The following C11orf65 variants were observed in gnomAD, a reference collection of about 807,000 sequenced individuals.
The protein encoded by C11orf65 is chromosome 11 open reading frame 65.
Under a neutral mutation model 35.3 loss-of-function variants are expected in C11orf65, and 38 were observed. The ratio of observed to expected loss-of-function variants is 1.08; its 90% confidence interval spans 0.83 to 1.41. The LOEUF is 1.41. C11orf65 is among the 40% of genes most tolerant of loss of function. The pLI, the probability that C11orf65 is intolerant of heterozygous loss-of-function variation, is 0.00. For missense variants in C11orf65, 370 were observed against 367.1 expected (o/e 1.01, Z -0.06); for synonymous variants, 105 against 114.4 (o/e 0.92, Z 0.53).
intron 2 of C11orf65, among the ~76,000 whole-genome samples, chr11:108,346,247 G>A (rs1439595658): frequency 6.6e-6 from 1 of 151,854 alleles, no homozygotes; most frequent in Non-Finnish European, 1.5e-5. Context: ...TGAAACCTGT[G>A]ATAACTTATT....
chr11:108,469,478 T>C (rs533604407), upstream of C11orf65, among the ~76,000 whole-genome samples: 515 of 151,498 alleles, frequency 3.4e-3, 3 homozygotes, highest in Non-Finnish European at 5.6e-3. Context: ...CAAAAGTAAT[T>C]GCGGTTTTTG....
chr11:108,389,987 C>T (rs1210564815), intron 7 of C11orf65, among the ~76,000 whole-genome samples: 4 of 121,542 alleles, frequency 3.3e-5, no homozygotes, highest in Non-Finnish European at 7.2e-5. Flanking sequence ...AGCCACCTCG[C>T]CTGGCTGGTT....
intron 2 of C11orf65, among the ~76,000 whole-genome samples, chr11:108,371,040 T>C (rs1019727750): frequency 2.6e-5 from 4 of 152,172 alleles, no homozygotes; most frequent in South Asian, 2.1e-4. Flanking sequence ...CATAGACACA[T>C]TGCTGATTTG....
chr11:108,458,243 G>A lies in C11orf65; in HGVS notation c.81+3236C>T, dbSNP rs373600932. Among the ~76,000 whole-genome samples the A allele has an allele frequency of 8.7e-5, 13 of 150,022 alleles. No individual in the cohort carries two copies. In the East Asian group the frequency reaches 2.0e-3, roughly 23 times the overall value. On this transcript the variant is annotated intron_variant, in intron 2 of 8. Coordinates refer to ENST00000393084, the MANE Select transcript of C11orf65 (RefSeq NM_152587.5). ...AAGTGAACCTTGGGTGTGGTGGCAC[G>A]TGCCGGTATCCCACCTACTCGGGAG...
At chr11:108,461,399 T>TA (rs956951448) in intron 2 of C11orf65, 80 bp downstream of exon 2, 50,371 of 875,902 alleles carry the variant, frequency 0.058, 1 homozygote, top group South Asian at 0.064. Flanking sequence ...GATTCTGTCT[T>TA]AAAAAAAAAA....
intron 2 of C11orf65, among the ~76,000 whole-genome samples, chr11:108,444,780 G>A (rs567740923): frequency 9.9e-5 from 15 of 152,234 alleles, no homozygotes; most frequent in Admixed American, 4.6e-4. Context: ...ACAGCGCACC[G>A]TGCACGAGCT....
chr11:108,392,712 T>C (rs1178995375), intron 7 of C11orf65, among the ~76,000 whole-genome samples: 2 of 152,322 alleles, frequency 1.3e-5, no homozygotes, highest in East Asian at 3.9e-4. Context: ...CTAGTAGGTG[T>C]GAAGTGGTAT....
At chr11:108,400,711 C>T (rs758984523) in intron 6 of C11orf65, among the ~76,000 whole-genome samples, 18 of 152,266 alleles carry the variant, frequency 1.2e-4, no homozygotes, top group African/African-American at 3.6e-4. Context: ...CTTCAAAGTT[C>T]CATTAGTCCC....
chr11:108,381,592 C>T (rs1381587707), downstream of C11orf65, among the ~76,000 whole-genome samples: 1 of 152,196 alleles, frequency 6.6e-6, no homozygotes, highest in African/African-American at 2.4e-5. Flanking sequence ...TTCCCTGTGT[C>T]ACTTTCTCTA....
In C11orf65 at chr11:108,409,568, G is replaced by A. The variant is rs2092618247; in HGVS notation, c.175-2419C>T. ...GATGCTCTTGTCGTGATGCTGGGCA[G>A]TGGCAGCAAGCCACAGCTTCCAGTC... On this transcript the variant is annotated intron_variant, in intron 3 of 8. Transcript: ENST00000393084. 2.0e-5 allele frequency among the ~76,000 whole-genome samples: 3 copies of A among 152,148 alleles called. No individual in the cohort carries two copies. The South Asian group carries it at 6.2e-4, about 32-fold the overall frequency.
At chr11:108,427,721 CAAAAA>C (rs1176005299) in intron 3 of C11orf65, among the ~76,000 whole-genome samples, 43 of 40,742 alleles carry the variant, frequency 1.1e-3, no homozygotes, top group African/African-American at 3.8e-3. Flanking sequence ...AACTCCGCCT[CAAAAA>C]AAAAAAAAAA....
intron 2 of C11orf65, chr11:108,368,163 C>T (rs2091428529): frequency 4.8e-6 from 1 of 207,078 alleles, no homozygotes. Context: ...AGATCACAAG[C>T]CTAGGAGAAA....
chr11:108,363,752 A>AT (rs768990123), intron 2 of C11orf65, among the ~76,000 whole-genome samples: 1 of 152,090 alleles, frequency 6.6e-6, no homozygotes, highest in Admixed American at 6.5e-5. Flanking sequence ...CTGAAACATA[A>AT]TTTTTTACTT....
chr11:108,448,219 G>A (rs1401968377), intron 2 of C11orf65, among the ~76,000 whole-genome samples: 4 of 152,168 alleles, frequency 2.6e-5, no homozygotes, highest in Non-Finnish European at 5.9e-5. Context: ...GGAGGAACTG[G>A]TACCATTCCT....
At chr11:108,447,103 C>A (rs141927900) in intron 2 of C11orf65, among the ~76,000 whole-genome samples, 16,243 of 152,056 alleles carry the variant, frequency 0.11, 1,217 homozygotes, top group Non-Finnish European at 0.15. Flanking sequence ...TATATATGCA[C>A]CCAATACAGG....
intron 2 of C11orf65, among the ~76,000 whole-genome samples, chr11:108,441,799 C>T (rs1050794969): frequency 6.6e-6 from 1 of 152,210 alleles, no homozygotes; most frequent in Non-Finnish European, 1.5e-5. Context: ...AGGACACCCA[C>T]ACCAAAATCC....
At chr11:108,332,920 G>C (rs2136576134) in intron 3 of C11orf65, 1 of 1,606,836 alleles carries the variant, frequency 6.2e-7, no homozygotes, top group South Asian at 1.1e-5. Context: ...TTTTAAAGAA[G>C]AAACGTTACT....
At chr11:108,353,445 C>A (rs2089445775) in intron 2 of C11orf65, among the ~76,000 whole-genome samples, 1 of 152,106 alleles carries the variant, frequency 6.6e-6, no homozygotes. Flanking sequence ...CCACACCCAG[C>A]CTAAAAATTT....
At chr11:108,345,979 C>T (rs2088330699) in intron 2 of C11orf65, 2 of 1,563,550 alleles carry the variant, frequency 1.3e-6, no homozygotes, top group African/African-American at 1.4e-5. Context: ...TTTGATTCAG[C>T]ACTTTTTCTA....
Sources: allele counts gnomAD v4.1 joint callset (sites outside exome capture counted in the v4.1 genomes callset), GRCh38; gene constraint gnomAD v4.1.1; transcripts MANE v1.5; gene names NCBI Gene and HGNC (gene_info 2026-07-23, HGNC 2026-07-21).